ARB2A: variants seen among roughly 807,000 people sequenced by gnomAD.
ARB2A encodes ARB2 cotranscriptional regulator A.
the ARB2A span, chr5:93,865,886 A>G: frequency 1.0e-6 from 1 of 985,454 alleles, no homozygotes; most frequent in Non-Finnish European, 1.2e-6. Flanking sequence ...GGTAGGAAAA[A>G]CAATGAATGT....
At chr5:94,092,149 A>G in the ARB2A span, among the ~76,000 whole-genome samples, 1 of 151,122 alleles carries the variant, frequency 6.6e-6, no homozygotes, top group African/African-American at 2.4e-5. Context: ...CAGCCTGGCC[A>G]ACAAAACAAA....
At chr5:94,066,532 T>C in the ARB2A span, among the ~76,000 whole-genome samples, 9 of 149,362 alleles carry the variant, frequency 6.0e-5, no homozygotes, top group African/African-American at 2.0e-4. Context: ...ACCACAGTAA[T>C]AGAAAAGGTC....
the ARB2A span, among the ~76,000 whole-genome samples, chr5:93,873,301 A>AG: frequency 3.6e-3 from 346 of 97,172 alleles, 23 homozygotes; most frequent in African/African-American, 0.015. Flanking sequence ...CAAAAAAAAA[A>AG]GGGGGGGGGG....
the ARB2A span, among the ~76,000 whole-genome samples, chr5:93,688,397 C>A: frequency 2.0e-5 from 3 of 152,332 alleles, no homozygotes; most frequent in East Asian, 5.8e-4. Flanking sequence ...TCTTCAAACG[C>A]ATTTCCATTC....
chr5:93,859,717 C>A, the ARB2A span, among the ~76,000 whole-genome samples: 1 of 152,072 alleles, frequency 6.6e-6, no homozygotes, highest in Non-Finnish European at 1.5e-5. Context: ...ACATATACAA[C>A]CTAACTAGTA....
the ARB2A span, among the ~76,000 whole-genome samples, chr5:94,059,840 C>G: frequency 6.6e-6 from 1 of 151,160 alleles, no homozygotes; most frequent in Non-Finnish European, 1.5e-5. Context: ...CACAAAAAAG[C>G]TGAAATAATT....
the ARB2A span, among the ~76,000 whole-genome samples, chr5:94,041,915 G>C: frequency 1.3e-5 from 2 of 150,314 alleles, no homozygotes; most frequent in East Asian, 2.0e-4. Context: ...TTAAAATCCT[G>C]AACTTACCAA....
chr5:93,878,084 T>A, the ARB2A span, among the ~76,000 whole-genome samples: 2 of 152,152 alleles, frequency 1.3e-5, no homozygotes, highest in Non-Finnish European at 2.9e-5. Context: ...CCATTAATTT[T>A]TGGATTGTAA....
At chr5:94,013,465 C>G in the ARB2A span, among the ~76,000 whole-genome samples, 2 of 152,040 alleles carry the variant, frequency 1.3e-5, no homozygotes, top group African/African-American at 2.4e-5. Context: ...CGTGAGACAT[C>G]GTGCCCGGCC....
the ARB2A span, among the ~76,000 whole-genome samples, chr5:93,925,145 T>C: frequency 6.6e-6 from 1 of 152,268 alleles, no homozygotes; most frequent in Non-Finnish European, 1.5e-5. Flanking sequence ...AAATGTAATG[T>C]CTTAATCTAT....
chr5:93,919,478 T>C, the ARB2A span, among the ~76,000 whole-genome samples: 21 of 152,176 alleles, frequency 1.4e-4, no homozygotes, highest in Admixed American at 4.6e-4. Flanking sequence ...TATTTCATTG[T>C]AGAATAAGGT....
chr5:93,715,470 CT>C, the ARB2A span, among the ~76,000 whole-genome samples: 1 of 152,116 alleles, frequency 6.6e-6, no homozygotes, highest in African/African-American at 2.4e-5. Context: ...TAATTAACCA[CT>C]GGTAGGTAGT....
At chr5:93,948,710 T>C in the ARB2A span, among the ~76,000 whole-genome samples, 17 of 152,164 alleles carry the variant, frequency 1.1e-4, no homozygotes, top group Non-Finnish European at 2.5e-4. Context: ...ACGGGTCCAG[T>C]TTCAGCTTTC....
the ARB2A span, among the ~76,000 whole-genome samples, chr5:93,747,900 T>G: frequency 6.6e-6 from 1 of 152,188 alleles, no homozygotes; most frequent in Admixed American, 6.5e-5. Context: ...TTTTTGAATA[T>G]TCACCTATAC....
the ARB2A span, among the ~76,000 whole-genome samples, chr5:94,105,497 G>A: frequency 6.6e-6 from 1 of 151,942 alleles, no homozygotes; most frequent in African/African-American, 2.4e-5. Context: ...AACACAAATG[G>A]AAAGATATTC....
At chr5:93,659,290 G>C in the ARB2A span, among the ~76,000 whole-genome samples, 2 of 151,974 alleles carry the variant, frequency 1.3e-5, no homozygotes, top group Non-Finnish European at 2.9e-5. Context: ...ACTTCTAATA[G>C]TGCCTAACAC....
At chr5:93,965,892 C>G in the ARB2A span, among the ~76,000 whole-genome samples, 9 of 151,976 alleles carry the variant, frequency 5.9e-5, no homozygotes, top group Non-Finnish European at 1.3e-4. Context: ...ATTTTAGAAA[C>G]AGTATATTAG....
At chr5:93,835,721 T>C in the ARB2A span, among the ~76,000 whole-genome samples, 1 of 152,062 alleles carries the variant, frequency 6.6e-6, no homozygotes, top group Non-Finnish European at 1.5e-5. Context: ...TATATAAGTA[T>C]GTATGTGTAC....
the ARB2A span, among the ~76,000 whole-genome samples, chr5:93,685,581 T>G: frequency 1.3e-5 from 2 of 152,218 alleles, no homozygotes. Flanking sequence ...AAGCTGATTC[T>G]CTAAGTGAGT....
Sources: gnomAD v4.1 joint callset for allele counts (sites outside exome capture counted in the v4.1 genomes callset) on GRCh38, gnomAD v4.1.1 for gene constraint, MANE v1.5 for transcripts, NCBI Gene and HGNC (gene_info 2026-07-23, HGNC 2026-07-21) for gene names.